CLSTN2: variants seen among roughly 807,000 people sequenced by gnomAD.
CLSTN2 encodes calsyntenin 2, also known as calsyntenin-2.
CLSTN2 carries 48 observed loss-of-function variants against 101.2 expected under a neutral mutation model. The observed-to-expected ratio is 0.47, with a 90% CI of 0.38 to 0.60. The LOEUF is 0.60. CLSTN2 is among the 20% of genes least tolerant of loss of function. The probability of loss-of-function intolerance (pLI) is 0.00; values close to 1 mark genes in which losing one functional copy is unlikely to be tolerated. For missense variants in CLSTN2, 1,160 were observed against 1,238.2 expected (o/e 0.94, Z 0.95); for synonymous variants, 481 against 463.6 (o/e 1.04, Z -0.48).
intron 2 of CLSTN2, among the ~76,000 whole-genome samples, chr3:140,321,232 G>A (rs953182049): frequency 6.6e-6 from 1 of 152,114 alleles, no homozygotes. Context: ...GTTAGAAAGG[G>A]TCTAGCCCTG....
chr3:140,353,493 G>A (rs1468408593), intron 2 of CLSTN2, among the ~76,000 whole-genome samples: 1 of 152,166 alleles, frequency 6.6e-6, no homozygotes, highest in African/African-American at 2.4e-5. Context: ...TGATTAGATG[G>A]TGCCCACCAG....
At chr3:140,056,858 A>C (rs2008106446) in intron 1 of CLSTN2, among the ~76,000 whole-genome samples, 1 of 152,306 alleles carries the variant, frequency 6.6e-6, no homozygotes, top group Admixed American at 6.5e-5. Context: ...CATTTACTTA[A>C]ATGCTATCAT....
intron 1 of CLSTN2, among the ~76,000 whole-genome samples, chr3:140,118,181 G>A (rs2009278151): frequency 6.6e-6 from 1 of 152,036 alleles, no homozygotes; most frequent in Non-Finnish European, 1.5e-5. Flanking sequence ...AAAGAGAGAG[G>A]CTTCAGAAGA....
chr3:140,049,252 C>T (rs1483174080), intron 1 of CLSTN2, among the ~76,000 whole-genome samples: 1 of 152,208 alleles, frequency 6.6e-6, no homozygotes, highest in Non-Finnish European at 1.5e-5. Context: ...CTTCGTCTTC[C>T]TGAAAGCTGT....
chr3:139,975,247 A>C (rs1348555094), intron 1 of CLSTN2, among the ~76,000 whole-genome samples: 1 of 152,080 alleles, frequency 6.6e-6, no homozygotes, highest in Admixed American at 6.5e-5. Flanking sequence ...AGGGCTGAGG[A>C]AGTCTGCCAA....
intron 2 of CLSTN2, among the ~76,000 whole-genome samples, chr3:140,213,103 T>C (rs1161206307): frequency 1.3e-5 from 2 of 152,140 alleles, no homozygotes; most frequent in South Asian, 2.1e-4. Context: ...CCAGAAGTAA[T>C]ATATGAACAT....
chr3:140,470,529 A>G (rs528899837), intron 8 of CLSTN2, among the ~76,000 whole-genome samples: 51 of 152,344 alleles, frequency 3.3e-4, no homozygotes, highest in African/African-American at 1.2e-3. Flanking sequence ...GGGCATAGGC[A>G]TAGGCATGGG....
chr3:140,218,704 C>A (rs1307145209), intron 2 of CLSTN2, among the ~76,000 whole-genome samples: 1 of 152,194 alleles, frequency 6.6e-6, no homozygotes, highest in Admixed American at 6.5e-5. Context: ...CCTCAAGAAG[C>A]TTTCAAGATA....
chr3:140,522,081 G>C (rs1231340068), intron 8 of CLSTN2, among the ~76,000 whole-genome samples: 1 of 152,218 alleles, frequency 6.6e-6, no homozygotes, highest in Admixed American at 6.5e-5. Flanking sequence ...CTGATCTGCA[G>C]GTTGCAAAAA....
intron 2 of CLSTN2, among the ~76,000 whole-genome samples, chr3:140,365,819 T>G (rs72991761): frequency 0.086 from 13,138 of 152,246 alleles, 887 homozygotes; most frequent in African/African-American, 0.19. Flanking sequence ...CAAAAACATT[T>G]TCCTTTGCTT....
At chr3:140,222,941 A>G (rs1428989307) in intron 2 of CLSTN2, among the ~76,000 whole-genome samples, 2 of 150,414 alleles carry the variant, frequency 1.3e-5, no homozygotes, top group African/African-American at 2.4e-5. Flanking sequence ...CTATCTTTTC[A>G]TCTTTGCCCA....
At chr3:140,115,043 C>T (rs2009218222) in intron 1 of CLSTN2, among the ~76,000 whole-genome samples, 1 of 152,186 alleles carries the variant, frequency 6.6e-6, no homozygotes, top group Non-Finnish European at 1.5e-5. Context: ...TTTTGCCCAA[C>T]CAACACTTTC....
At chr3:140,425,297 G>A (rs568856398) in intron 5 of CLSTN2, among the ~76,000 whole-genome samples, 64 of 152,324 alleles carry the variant, frequency 4.2e-4, no homozygotes, top group African/African-American at 1.5e-3. Flanking sequence ...CAGGGCCCAT[G>A]AGGACTTGCT....
chr3:139,994,997 G>A (rs1020249567), intron 1 of CLSTN2, among the ~76,000 whole-genome samples: 13 of 152,152 alleles, frequency 8.5e-5, no homozygotes, highest in Admixed American at 2.0e-4. Flanking sequence ...CATGCATCAC[G>A]GGTGCCTCAG....
intron 1 of CLSTN2, among the ~76,000 whole-genome samples, chr3:140,116,476 A>C (rs1448253247): frequency 6.6e-6 from 1 of 152,122 alleles, no homozygotes; most frequent in African/African-American, 2.4e-5. Context: ...ATTTACCTTG[A>C]ATTGAAAATG....
chr3:140,437,639 G>C (rs1309233044), intron 5 of CLSTN2, among the ~76,000 whole-genome samples: 1 of 152,188 alleles, frequency 6.6e-6, no homozygotes, highest in Non-Finnish European at 1.5e-5. Flanking sequence ...CTGGCTGTCT[G>C]GCTGCCCAGG....
At chr3:140,332,916 T>A (rs2087400318) in intron 2 of CLSTN2, among the ~76,000 whole-genome samples, 1 of 152,172 alleles carries the variant, frequency 6.6e-6, no homozygotes, top group Admixed American at 6.5e-5. Context: ...TGGGTCTTAG[T>A]GTCTTACTGA....
chr3:140,438,269 C>A lies in CLSTN2; in HGVS notation c.788-10250C>A, dbSNP rs931823340. Among the ~76,000 whole-genome samples, 7 of 140,228 alleles carry A rather than the reference C, an allele frequency of 5.0e-5. 1 individual carries two copies. Among genetic ancestry groups the A allele is most frequent in the Admixed American group, 4.9e-4 (7 of 14,168 alleles). 92.0% of individuals were successfully genotyped at this position (140,228 alleles called of 152,430 possible). ...CCTGTCAGAGAGCCACCTCTCCCAC[C>A]CTCACACATGGGGAATAGAGGGTAT... On this transcript the variant is annotated intron_variant, in intron 5 of 16. Coordinates refer to ENST00000458420, the MANE Select transcript of CLSTN2 (RefSeq NM_022131.3).
At chr3:140,460,724 T>A (rs1452615834) in intron 7 of CLSTN2, among the ~76,000 whole-genome samples, 1 of 152,124 alleles carries the variant, frequency 6.6e-6, no homozygotes, top group African/African-American at 2.4e-5. Context: ...TACACAAACA[T>A]CCCAAGATCT....
Sources: allele counts gnomAD v4.1 joint callset (sites outside exome capture counted in the v4.1 genomes callset), GRCh38; gene constraint gnomAD v4.1.1; transcripts MANE v1.5; gene names NCBI Gene and HGNC (gene_info 2026-07-23, HGNC 2026-07-21).